Variants in MTMR7 observed in about 807,000 individuals in gnomAD.
MTMR7 encodes the protein myotubularin related protein 7.
In MTMR7, 76 loss-of-function variants were observed where a neutral mutation model predicts 81.2. That is an observed-to-expected ratio of 0.94 (90% CI 0.78 to 1.13). The LOEUF (loss-of-function observed/expected upper bound fraction) is 1.13. Among genes scored for constraint, MTMR7 ranks in the 50% most tolerant of loss-of-function variants. MTMR7 has a pLI of 0.00. For missense variants in MTMR7, 1,044 were observed against 820.0 expected, an observed-to-expected ratio of 1.27 and a Z score of -3.34; for synonymous variants, 372 against 289.8, an observed-to-expected ratio of 1.28 and a Z score of -2.88.
At chr8:17,330,624 G>A (rs767603688) in intron 7 of MTMR7, among the ~76,000 whole-genome samples, 9 of 152,216 alleles carry the variant, frequency 5.9e-5, no homozygotes, top group African/African-American at 1.9e-4. Flanking sequence ...CTGTGGGTAC[G>A]TGTCTTGTCA....
At chr8:17,339,127 G>C (rs1263522741) in intron 6 of MTMR7, 2 of 152,170 alleles carry the variant, frequency 1.3e-5, no homozygotes, top group Admixed American at 6.5e-5. Context: ...TGATTTCTGG[G>C]ATCACCAATG....
intron 1 of MTMR7, among the ~76,000 whole-genome samples, chr8:17,400,251 A>G (rs1821387751): frequency 6.6e-6 from 1 of 152,226 alleles, no homozygotes; most frequent in African/African-American, 2.4e-5. Context: ...GCACCATTCT[A>G]GATTCACATT....
chr8:17,339,249 T>C (rs79475356), intron 6 of MTMR7, among the ~76,000 whole-genome samples: 5,977 of 152,276 alleles, frequency 0.039, 345 homozygotes, highest in African/African-American at 0.12. Context: ...CCTATGTTCT[T>C]TTTTTAATAC....
At chr8:17,330,327 G>C (rs576910745) in intron 7 of MTMR7, among the ~76,000 whole-genome samples, 19 of 152,320 alleles carry the variant, frequency 1.2e-4, no homozygotes, top group Non-Finnish European at 5.9e-5. Context: ...CAGCTCTCCA[G>C]GGCTTTCCCC....
At chr8:17,316,799 A>T (rs1818106093) in intron 7 of MTMR7, among the ~76,000 whole-genome samples, 1 of 152,180 alleles carries the variant, frequency 6.6e-6, no homozygotes, top group East Asian at 1.9e-4. Flanking sequence ...CATAGGCTAT[A>T]TGCAAATACA....
At chr8:17,338,195 A>T (rs1165675375) in intron 6 of MTMR7, among the ~76,000 whole-genome samples, 1 of 152,246 alleles carries the variant, frequency 6.6e-6, no homozygotes, top group Non-Finnish European at 1.5e-5. Flanking sequence ...ACGAAACCCC[A>T]GTTTTCTTTA....
chr8:17,388,142 T>C (rs1345575763), intron 1 of MTMR7, among the ~76,000 whole-genome samples: 2 of 152,172 alleles, frequency 1.3e-5, no homozygotes, highest in East Asian at 1.9e-4. Flanking sequence ...ATTCAGGCAC[T>C]TGAGAATTTT....
At chr8:17,325,152 CAG>C (rs1491378165) in intron 7 of MTMR7, among the ~76,000 whole-genome samples, 14 of 151,940 alleles carry the variant, frequency 9.2e-5, no homozygotes, top group African/African-American at 3.4e-4. Flanking sequence ...CCTCTCCAAG[CAG>C]AGAGAACTAT....
chr8:17,334,125 A>G (rs1328883910), intron 6 of MTMR7, among the ~76,000 whole-genome samples: 1 of 152,226 alleles, frequency 6.6e-6, no homozygotes, highest in Non-Finnish European at 1.5e-5. Flanking sequence ...ATCAATGTGC[A>G]CTTCTCAGAA....
rs187651526 is a variant in MTMR7 at position 17,327,401 on chromosome 8, G to C, written c.865+3749C>G. ...TCCTCCCACATCAGCTTCCTGAGCA[G>C]CTGGGACTACAGGCACACACCACCA... is the stretch of plus-strand genomic sequence containing the variant. On this transcript the variant is annotated intron_variant, in intron 7 of 13. Coordinates refer to ENST00000180173, the MANE Select transcript of MTMR7 (RefSeq NM_004686.5). Among the ~76,000 whole-genome samples, 12 of 152,150 alleles carry C rather than the reference G, an allele frequency of 7.9e-5. No individual in the cohort carries two copies. In the East Asian group the frequency reaches 2.3e-3, roughly 30 times the overall value.
intron 1 of MTMR7, among the ~76,000 whole-genome samples, chr8:17,381,009 G>T (rs1820741524): frequency 6.6e-6 from 1 of 152,080 alleles, no homozygotes; most frequent in Admixed American, 6.6e-5. Context: ...GAAAGAGACA[G>T]AACACTAAAC....
chr8:17,319,398 G>T (rs1818269798), intron 7 of MTMR7, among the ~76,000 whole-genome samples: 1 of 152,190 alleles, frequency 6.6e-6, no homozygotes, highest in Non-Finnish European at 1.5e-5. Context: ...CTGGGAGGAA[G>T]GAGCTGTTAG....
intron 4 of MTMR7, among the ~76,000 whole-genome samples, chr8:17,355,620 T>G (rs9325808): frequency 1.3e-5 from 2 of 151,658 alleles, no homozygotes; most frequent in South Asian, 2.1e-4. Context: ...TAAGAAAGAT[T>G]GACAACTCAA....
intron 1 of MTMR7, among the ~76,000 whole-genome samples, chr8:17,404,347 G>A (rs996558798): frequency 7.9e-5 from 12 of 152,122 alleles, no homozygotes; most frequent in African/African-American, 2.9e-4. Context: ...GAGTACAAGA[G>A]GAGAAAATTG....
chr8:17,343,124 CG>C (rs1486642115), intron 5 of MTMR7, among the ~76,000 whole-genome samples: 1 of 152,038 alleles, frequency 6.6e-6, no homozygotes, highest in Non-Finnish European at 1.5e-5. Context: ...ATACTTTATC[CG>C]GGTTAAAGAA....
chr8:17,300,360 A>C (rs1012581780), intron 13 of MTMR7, 136 bp from the exon 14 acceptor site: 20 of 963,640 alleles, frequency 2.1e-5, no homozygotes, highest in Non-Finnish European at 2.8e-5. Context: ...ATGTGAGTTC[A>C]AACCTGGACT....
intron 13 of MTMR7, among the ~76,000 whole-genome samples, chr8:17,300,458 A>C (rs1388096746): frequency 3.3e-5 from 5 of 152,122 alleles, no homozygotes; most frequent in Admixed American, 1.3e-4. Context: ...TATAATAATA[A>C]ACAATATAGC....
Position 17,299,837 on chromosome 8 carries a change from T to C in MTMR7, c.*25A>G. On this transcript the variant is annotated 3_prime_UTR_variant, in exon 14 of 14. Transcript: ENST00000180173. ...TTGGAAGTGTTGCTTATGTGTCCTT[T>C]ACTTTGGAACTCCAAAGGGAAACTT... 3 of 1,612,032 alleles carry C rather than the reference T, an allele frequency of 1.9e-6. No individual in the cohort carries two copies. Among genetic ancestry groups the C allele is most frequent in the Non-Finnish European group, 2.5e-6 (3 of 1,178,620 alleles).
In MTMR7 at chr8:17,297,141, C is replaced by T. The variant is rs112056804; in HGVS notation, c.*2721G>A. 6.6e-6 allele frequency: 1 copy of T among 152,100 alleles called. No homozygotes were observed. Among genetic ancestry groups the T allele is most frequent in the Non-Finnish European group, 1.5e-5 (1 of 68,014 alleles). The allele number at this position is 152,100 out of a possible 1,614,324, so 9.4% of individuals were successfully genotyped here. A position where few individuals can be genotyped will look rare whatever the true frequency, so the allele number is the denominator to read the frequency against. On this transcript the variant is annotated 3_prime_UTR_variant, in exon 14 of 14. Transcript: ENST00000180173. The stretch of plus-strand genomic sequence containing the variant: ...TGAAATGCATGTGAAAGTTTGTATT[C>T]TGATTTTACAAGATGAGATAGAAAT...
Sources: gnomAD v4.1 joint callset for allele counts (sites outside exome capture counted in the v4.1 genomes callset) on GRCh38, gnomAD v4.1.1 for gene constraint, MANE v1.5 for transcripts, NCBI Gene and HGNC (gene_info 2026-07-23, HGNC 2026-07-21) for gene names.